The following ERC2 variants were observed in gnomAD, a reference collection of about 807,000 sequenced individuals.
ERC2 encodes ELKS/RAB6-interacting/CAST family member 2, also known as ERC protein 2.
A neutral mutation model predicts 114.8 loss-of-function variants in ERC2; 42 were observed. The observed-to-expected ratio is 0.37, with a 90% CI of 0.29 to 0.47. ERC2 has a LOEUF of 0.47. Among genes scored for constraint, ERC2 ranks in the 20% least tolerant of loss-of-function variants. The pLI, the probability that ERC2 is intolerant of heterozygous loss-of-function variation, is 0.99. For missense variants in ERC2, 939 were observed against 1,150.7 expected, an observed-to-expected ratio of 0.82 and a Z score of 2.66; for synonymous variants, 454 against 425.5, an observed-to-expected ratio of 1.07 and a Z score of -0.82.
At chr3:55,585,416 TC>T (rs11324854) in intron 17 of ERC2, among the ~76,000 whole-genome samples, 6,172 of 152,112 alleles carry the variant, frequency 0.041, 418 homozygotes, top group African/African-American at 0.14. Flanking sequence ...AAACAAATGT[TC>T]CCCCCAATAA....
intron 3 of ERC2, among the ~76,000 whole-genome samples, chr3:56,240,536 C>T (rs549643525): frequency 2.0e-5 from 3 of 152,000 alleles, no homozygotes; most frequent in East Asian, 1.9e-4. Context: ...TAAGGCAGTG[C>T]TAAATCATCT....
chr3:55,539,751 G>A (rs1185772229), intron 17 of ERC2, among the ~76,000 whole-genome samples: 2 of 151,904 alleles, frequency 1.3e-5, no homozygotes, highest in East Asian at 3.9e-4. Flanking sequence ...CACACTGAAA[G>A]CTCTAAGTCC....
chr3:55,913,028 C>T (rs928639777), intron 13 of ERC2, among the ~76,000 whole-genome samples: 1 of 152,044 alleles, frequency 6.6e-6, no homozygotes, highest in Admixed American at 6.6e-5. Flanking sequence ...CTCTGTTGCC[C>T]AGGCTGGAGT....
chr3:56,387,481 G>A (rs1480194705), intron 2 of ERC2, among the ~76,000 whole-genome samples: 1 of 152,086 alleles, frequency 6.6e-6, no homozygotes, highest in African/African-American at 2.4e-5. Flanking sequence ...CCTGCTGTTT[G>A]TTCTCTCTTG....
chr3:56,348,171 T>C lies in ERC2; in HGVS notation c.658-51736A>G, dbSNP rs576410538. On this transcript the variant is annotated intron_variant, in intron 2 of 17. Coordinates refer to ENST00000288221, the MANE Select transcript of ERC2 (RefSeq NM_015576.3). ...CTTCCCTTCTGTCTTGCTTCCCTCT[T>C]CCTTTCCTTCTAATTCTCCATCACA... 1.1e-4 allele frequency among the ~76,000 whole-genome samples: 16 copies of C among 152,258 alleles called. No individual in the cohort carries two copies. The East Asian group carries it at 2.7e-3, about 26-fold the overall frequency.
intron 17 of ERC2, among the ~76,000 whole-genome samples, chr3:55,675,918 T>TTTTTTTTTTTTTTTTTTTTG (rs2061782985): frequency 9.1e-6 from 1 of 110,076 alleles, no homozygotes; most frequent in African/African-American, 3.4e-5. Flanking sequence ...TTTTTTTTTT[T>TTTTTTTTTTTTTTTTTTTTG]TTTTTTTTTT....
intron 6 of ERC2, among the ~76,000 whole-genome samples, chr3:56,102,979 T>C (rs1373548261): frequency 1.3e-5 from 2 of 152,162 alleles, no homozygotes; most frequent in Non-Finnish European, 2.9e-5. Context: ...AATGAGATAG[T>C]CCTATCTTTA....
intron 3 of ERC2, among the ~76,000 whole-genome samples, chr3:56,204,031 C>CA (rs1259582333): frequency 6.6e-6 from 1 of 151,126 alleles, no homozygotes; most frequent in African/African-American, 2.4e-5. Flanking sequence ...AATACACACA[C>CA]AAAAAAAAGT....
chr3:55,722,971 C>T (rs909796107), intron 15 of ERC2, among the ~76,000 whole-genome samples: 6 of 152,172 alleles, frequency 3.9e-5, no homozygotes, highest in Admixed American at 1.3e-4. Flanking sequence ...AACTCTTGGG[C>T]ATTAATCCTA....
intron 13 of ERC2, among the ~76,000 whole-genome samples, chr3:55,928,527 G>C (rs1206447580): frequency 6.6e-6 from 1 of 151,986 alleles, no homozygotes; most frequent in African/African-American, 2.4e-5. Context: ...CTTTTCAGAT[G>C]GATAGTTTGC....
chr3:56,441,564 G>C (rs1456982208), intron 1 of ERC2, among the ~76,000 whole-genome samples: 1 of 152,182 alleles, frequency 6.6e-6, no homozygotes, highest in Admixed American at 6.5e-5. Context: ...TTCCGTTTGA[G>C]CAATATTCAG....
chr3:55,802,212 C>T (rs1002719140), intron 14 of ERC2, among the ~76,000 whole-genome samples: 6 of 152,154 alleles, frequency 3.9e-5, no homozygotes, highest in Non-Finnish European at 7.4e-5. Context: ...ATATCCTGAA[C>T]GTTATTAACT....
chr3:55,862,727 T>C lies in ERC2; in HGVS notation c.2564+25662A>G, dbSNP rs534714861. ...ATTTAAGAAATAATTAGAGGCCAAA[T>C]TGAGATGTCGAATTCTGCTGTTCAA... On this transcript the variant is annotated intron_variant, in intron 14 of 17. Transcript: ENST00000288221. Among the ~76,000 whole-genome samples, 46 of 152,290 alleles carry C rather than the reference T, an allele frequency of 3.0e-4. 1 individual carries two copies. Among genetic ancestry groups the C allele is most frequent in the Middle Eastern group, 6.8e-3 (2 of 294 alleles).
At chr3:55,691,485 C>A (rs1228470740) in intron 16 of ERC2, among the ~76,000 whole-genome samples, 6 of 140,094 alleles carry the variant, frequency 4.3e-5, no homozygotes, top group African/African-American at 1.4e-4. Flanking sequence ...TTCATCCCCA[C>A]GTGAAACAAA....
chr3:56,322,267 T>C (rs555171524), intron 2 of ERC2, among the ~76,000 whole-genome samples: 5 of 152,198 alleles, frequency 3.3e-5, no homozygotes, highest in African/African-American at 9.7e-5. Flanking sequence ...CCACAAACAG[T>C]GGGCTTTTTG....
intron 14 of ERC2, among the ~76,000 whole-genome samples, chr3:55,827,985 C>G (rs1343936487): frequency 6.6e-6 from 1 of 152,230 alleles, no homozygotes; most frequent in African/African-American, 2.4e-5. Flanking sequence ...TGCGGCCAAG[C>G]CGATGGAAAC....
intron 13 of ERC2, among the ~76,000 whole-genome samples, chr3:55,936,162 T>C (rs143849476): frequency 1.5e-3 from 222 of 152,306 alleles, no homozygotes; most frequent in African/African-American, 4.6e-3. Flanking sequence ...CATGGGCTGA[T>C]TGGCGTTGGC....
chr3:56,334,638 G>C (rs1474083786), intron 2 of ERC2, among the ~76,000 whole-genome samples: 2 of 152,056 alleles, frequency 1.3e-5, no homozygotes, highest in African/African-American at 4.8e-5. Flanking sequence ...CAACAGACTA[G>C]GGCAAGACCA....
At chr3:55,693,716 T>C (rs1045718088) in intron 16 of ERC2, among the ~76,000 whole-genome samples, 9 of 151,792 alleles carry the variant, frequency 5.9e-5, no homozygotes, top group Non-Finnish European at 1.0e-4. Flanking sequence ...TTTTCTTCTT[T>C]TTTTTTTTTG....
Sources: allele counts gnomAD v4.1 joint callset (sites outside exome capture counted in the v4.1 genomes callset), GRCh38; gene constraint gnomAD v4.1.1; transcripts MANE v1.5; gene names NCBI Gene and HGNC (gene_info 2026-07-23, HGNC 2026-07-21).